DCAF8L2: variants seen among roughly 807,000 people sequenced by gnomAD.
DCAF8L2 encodes DDB1 and CUL4 associated factor 8 like 2, also known as DDB1- and CUL4-associated factor 8-like protein 2.
For missense variants in DCAF8L2, 430 were observed against 490.7 expected, an observed-to-expected ratio of 0.88 and a Z score of 1.17; for synonymous variants, 200 against 190.9, an observed-to-expected ratio of 1.05 and a Z score of -0.39.
At chrX:27,529,080 A>G in the DCAF8L2 span, among the ~76,000 whole-genome samples, 2 of 111,992 alleles carry the variant, frequency 1.8e-5, no homozygotes, top group African/African-American at 6.5e-5. Context: ...TGATCATAAA[A>G]GTACATGATG....
At chrX:27,649,530 T>A (rs1929070812) in intron 2 of DCAF8L2, among the ~76,000 whole-genome samples, 1 of 112,223 alleles carries the variant, frequency 8.9e-6, no homozygotes, top group African/African-American at 3.2e-5. Flanking sequence ...TATCTTACTA[T>A]GGTTTTGATT....
chrX:27,732,541 CTCTT>C (rs1921270452), intron 4 of DCAF8L2, among the ~76,000 whole-genome samples: 1 of 109,981 alleles, frequency 9.1e-6, no homozygotes, highest in Non-Finnish European at 1.9e-5. Flanking sequence ...GATTAGCTTC[CTCTT>C]TATGTCCTCA....
At chrX:27,660,544 T>C (rs890775551) in intron 2 of DCAF8L2, among the ~76,000 whole-genome samples, 23 of 112,042 alleles carry the variant, frequency 2.1e-4, no homozygotes, top group African/African-American at 7.4e-4. Flanking sequence ...AATTCCTCAG[T>C]GGCTCAAGGT....
At chrX:27,519,360 C>T in the DCAF8L2 span, 648 of 1,146,466 alleles carry the variant, frequency 5.7e-4, no homozygotes, top group Non-Finnish European at 7.3e-4. Context: ...CGAAGTCTGC[C>T]GTAGCAAAAC....
At chrX:27,568,226 A>T in the DCAF8L2 span, among the ~76,000 whole-genome samples, 1 of 111,697 alleles carries the variant, frequency 9.0e-6, no homozygotes, top group East Asian at 2.8e-4. Context: ...AAATGGAAGT[A>T]TATGTCATAG....
chrX:27,633,051 T>C (rs1221895171), intron 2 of DCAF8L2: 2 of 112,251 alleles, frequency 1.8e-5, no homozygotes, highest in Non-Finnish European at 3.8e-5. Flanking sequence ...AAAGTGTATA[T>C]GTATGCATAT....
intron 1 of DCAF8L2, among the ~76,000 whole-genome samples, chrX:27,617,481 T>C (rs761344067): frequency 9.0e-6 from 1 of 111,421 alleles, no homozygotes; most frequent in East Asian, 2.8e-4. Flanking sequence ...AGCTATGAAA[T>C]GAATCATATG....
At chrX:27,609,642 C>T (rs1008465776) in intron 1 of DCAF8L2, among the ~76,000 whole-genome samples, 3 of 111,327 alleles carry the variant, frequency 2.7e-5, no homozygotes, top group East Asian at 2.8e-4. Flanking sequence ...CCCTGCCAAA[C>T]GCCTCTTGGT....
chrX:27,628,752 C>T (rs6630531), intron 1 of DCAF8L2, among the ~76,000 whole-genome samples: 19,719 of 109,572 alleles, frequency 0.18, 1,443 homozygotes, highest in East Asian at 0.4. Flanking sequence ...TACAGGCGCC[C>T]GCCACCACGC....
At chrX:27,522,778 G>C in the DCAF8L2 span, among the ~76,000 whole-genome samples, 1 of 111,759 alleles carries the variant, frequency 8.9e-6, no homozygotes, top group Non-Finnish European at 1.9e-5. Flanking sequence ...TTAGTAGTCT[G>C]TAGCATTTTT....
At chrX:27,587,985 A>AAT (rs202098791), upstream of DCAF8L2, among the ~76,000 whole-genome samples, 837 of 22,269 alleles carry the variant, frequency 0.038, 6 homozygotes, top group Non-Finnish European at 0.069. Flanking sequence ...TAAAAAAAAA[A>AAT]ATATATATAT....
chrX:27,614,685 T>C (rs929830860), intron 1 of DCAF8L2, among the ~76,000 whole-genome samples: 2 of 111,776 alleles, frequency 1.8e-5, no homozygotes, highest in Non-Finnish European at 3.8e-5. Context: ...AGAACATCTT[T>C]ATTTCTGCCT....
the DCAF8L2 span, chrX:27,518,071 T>C: frequency 1.1e-6 from 1 of 912,038 alleles, no homozygotes; most frequent in East Asian, 3.1e-5. Context: ...TAGAGCTAAA[T>C]TCTTTCCTGA....
chrX:27,662,026 A>G, intron 2 of DCAF8L2, among the ~76,000 whole-genome samples: 1 of 112,336 alleles, frequency 8.9e-6, no homozygotes, highest in African/African-American at 3.2e-5. Context: ...TACTAGAAAT[A>G]GAATCAATAA....
At chrX:27,677,228 C>A (rs1185700328) in intron 2 of DCAF8L2, among the ~76,000 whole-genome samples, 2 of 111,723 alleles carry the variant, frequency 1.8e-5, no homozygotes, top group East Asian at 5.6e-4. Context: ...TCCTTCATCC[C>A]ACAAACACTG....
intron 2 of DCAF8L2, among the ~76,000 whole-genome samples, chrX:27,634,259 C>A (rs1156647163): frequency 8.9e-6 from 1 of 111,829 alleles, no homozygotes; most frequent in Non-Finnish European, 1.9e-5. Context: ...TGTAAGTAGT[C>A]TGGATATAAC....
the DCAF8L2 span, among the ~76,000 whole-genome samples, chrX:27,551,913 G>A: frequency 1.8e-5 from 2 of 111,920 alleles, no homozygotes; most frequent in Non-Finnish European, 3.8e-5. Flanking sequence ...TCTCCGTATT[G>A]TTTTCTATGA....
chrX:27,707,914 A>G (rs2147277686), intron 3 of DCAF8L2, among the ~76,000 whole-genome samples: 1 of 111,959 alleles, frequency 8.9e-6, no homozygotes, highest in East Asian at 2.8e-4. Flanking sequence ...GCATCTTATT[A>G]GAGGTGCTTT....
the DCAF8L2 span, among the ~76,000 whole-genome samples, chrX:27,542,752 C>A: frequency 0.028 from 3,023 of 108,367 alleles, 109 homozygotes; most frequent in African/African-American, 0.095. Context: ...CCGTTTTAGC[C>A]GGGATGGTCT....
Sources: allele counts gnomAD v4.1 joint callset (sites outside exome capture counted in the v4.1 genomes callset), GRCh38; gene constraint gnomAD v4.1.1; transcripts MANE v1.5; gene names NCBI Gene and HGNC (gene_info 2026-07-23, HGNC 2026-07-21).